PTPRD: variants seen among roughly 807,000 people sequenced by gnomAD.
PTPRD encodes receptor-type tyrosine-protein phosphatase delta.
PTPRD carries 34 observed loss-of-function variants against 214.5 expected under a neutral mutation model. That is an observed-to-expected ratio of 0.16 (90% CI 0.12 to 0.21). The LOEUF (loss-of-function observed/expected upper bound fraction) is 0.21, where lower values mean the gene tolerates loss of function less well. PTPRD is among the 10% of genes least tolerant of loss of function. PTPRD has a pLI of 1.00. For synonymous variants in PTPRD, 1,128 were observed against 845.7 expected (o/e 1.33, Z -5.79); for missense variants, 2,545 against 2,398.7 (o/e 1.06, Z -1.27).
intron 7 of PTPRD, among the ~76,000 whole-genome samples, chr9:9,688,155 C>G (rs912558220): frequency 6.6e-6 from 1 of 151,846 alleles, no homozygotes; most frequent in Admixed American, 6.6e-5. Flanking sequence ...GTCAATTAAA[C>G]CTCTTTTCTT....
intron 7 of PTPRD, among the ~76,000 whole-genome samples, chr9:9,688,937 C>G (rs1595276116): frequency 6.6e-6 from 1 of 151,618 alleles, no homozygotes; most frequent in African/African-American, 2.4e-5. Flanking sequence ...GCTAGGTAAA[C>G]AGTAGATATA....
At chr9:8,326,980 C>G (rs1250114037) in intron 44 of PTPRD, among the ~76,000 whole-genome samples, 1 of 146,982 alleles carries the variant, frequency 6.8e-6, no homozygotes, top group Non-Finnish European at 1.5e-5. Context: ...TTTCCAAAAG[C>G]CAGCTCCTGG....
chr9:8,753,126 G>A (rs1156810228), intron 11 of PTPRD, among the ~76,000 whole-genome samples: 2 of 152,120 alleles, frequency 1.3e-5, no homozygotes, highest in African/African-American at 2.4e-5. Flanking sequence ...AGTAAGGTAC[G>A]TTATTCTGTG....
chr9:8,718,314 G>C (rs1054509231), intron 12 of PTPRD, among the ~76,000 whole-genome samples: 3 of 152,132 alleles, frequency 2.0e-5, no homozygotes, highest in African/African-American at 7.2e-5. Context: ...GCTCTCTAGA[G>C]AAACTAGATC....
chr9:9,732,602 G>C (rs1335363058), intron 7 of PTPRD, among the ~76,000 whole-genome samples: 3 of 152,068 alleles, frequency 2.0e-5, no homozygotes, highest in African/African-American at 7.2e-5. Context: ...AAAGTATAGA[G>C]GACCTCTAGG....
At chr9:9,961,729 A>C (rs990326065) in intron 4 of PTPRD, among the ~76,000 whole-genome samples, 4 of 152,160 alleles carry the variant, frequency 2.6e-5, no homozygotes, top group African/African-American at 9.7e-5. Flanking sequence ...AAGATGATGA[A>C]ATACAGCACT....
intron 33 of PTPRD, among the ~76,000 whole-genome samples, chr9:8,458,149 GGCCCAC>G (rs2096269538): frequency 1.3e-5 from 2 of 152,034 alleles, no homozygotes; most frequent in African/African-American, 2.4e-5. Flanking sequence ...TGCTTACATA[GGCCCAC>G]ACTAAAATGC....
At chr9:9,114,520 C>A (rs182993053) in intron 10 of PTPRD, among the ~76,000 whole-genome samples, 4 of 152,182 alleles carry the variant, frequency 2.6e-5, no homozygotes, top group Non-Finnish European at 5.9e-5. Context: ...TTGGCTAACA[C>A]TTTTTAACCA....
At chr9:9,948,303 G>C (rs10978127) in intron 4 of PTPRD, among the ~76,000 whole-genome samples, 1 of 151,962 alleles carries the variant, frequency 6.6e-6, no homozygotes, top group South Asian at 2.1e-4. Context: ...TTTAAAAAAT[G>C]TGACTATCTT....
chr9:8,990,446 T>C (rs768329964), intron 11 of PTPRD, among the ~76,000 whole-genome samples: 2 of 152,150 alleles, frequency 1.3e-5, no homozygotes, highest in Non-Finnish European at 2.9e-5. Flanking sequence ...TAGTAGGTTG[T>C]TGGGGCTCAG....
chr9:10,264,169 G>A (rs1229335470), intron 3 of PTPRD, among the ~76,000 whole-genome samples: 2 of 152,202 alleles, frequency 1.3e-5, no homozygotes, highest in African/African-American at 2.4e-5. Context: ...CTAGGACAGT[G>A]TGGAAGGGAA....
intron 3 of PTPRD, among the ~76,000 whole-genome samples, chr9:10,180,786 T>C (rs1043072583): frequency 6.6e-6 from 1 of 151,914 alleles, no homozygotes; most frequent in Non-Finnish European, 1.5e-5. Flanking sequence ...ATGTAAATAT[T>C]TACATGTATC....
chr9:8,854,247 G>C (rs2097871511), intron 11 of PTPRD, among the ~76,000 whole-genome samples: 1 of 152,108 alleles, frequency 6.6e-6, no homozygotes, highest in Admixed American at 6.5e-5. Flanking sequence ...ACAAGTTAGA[G>C]CACAAGAGCA....
intron 7 of PTPRD, among the ~76,000 whole-genome samples, chr9:9,683,009 T>C (rs1007203824): frequency 1.3e-5 from 2 of 151,752 alleles, no homozygotes; most frequent in Non-Finnish European, 1.5e-5. Context: ...ATAAGCTAGA[T>C]AGACATATTG....
chr9:10,606,957 T>C (rs1280358673), intron 2 of PTPRD, among the ~76,000 whole-genome samples: 5 of 151,930 alleles, frequency 3.3e-5, no homozygotes, highest in Non-Finnish European at 7.4e-5. Context: ...CAAAAGTTCA[T>C]GAATTCTGTA....
chr9:8,688,130 T>C (rs948964040), intron 12 of PTPRD, among the ~76,000 whole-genome samples: 2 of 152,240 alleles, frequency 1.3e-5, no homozygotes, highest in East Asian at 3.8e-4. Context: ...TAATTTACAA[T>C]GCTGAATAAA....
intron 2 of PTPRD, among the ~76,000 whole-genome samples, chr9:10,585,247 A>G (rs1191499082): frequency 6.6e-6 from 1 of 151,896 alleles, no homozygotes; most frequent in Non-Finnish European, 1.5e-5. Flanking sequence ...ATAATATTGA[A>G]GTAATAACTT....
intron 3 of PTPRD, among the ~76,000 whole-genome samples, chr9:10,238,275 T>A (rs1030693735): frequency 6.6e-6 from 1 of 151,894 alleles, no homozygotes; most frequent in Admixed American, 6.6e-5. Flanking sequence ...TGTTGTAACC[T>A]GAAACCAATC....
chr9:8,699,166 G>A lies in PTPRD; in HGVS notation c.64+34614C>T, dbSNP rs1039346349. 3.3e-5 allele frequency among the ~76,000 whole-genome samples: 5 copies of A among 152,214 alleles called. No homozygotes were observed. In the East Asian group the frequency reaches 7.7e-4, roughly 24 times the overall value. On this transcript the variant is annotated intron_variant, in intron 12 of 45. Coordinates refer to ENST00000381196, the MANE Select transcript of PTPRD (RefSeq NM_002839.4). ...AATTTCTAACAAGTGATGAAATTCC[G>A]ATGAAGTGTATAATGATTCCTCATT... is the stretch of plus-strand genomic sequence containing the variant.
Sources: gnomAD v4.1 joint callset for allele counts (sites outside exome capture counted in the v4.1 genomes callset) on GRCh38, gnomAD v4.1.1 for gene constraint, MANE v1.5 for transcripts, NCBI Gene and HGNC (gene_info 2026-07-23, HGNC 2026-07-21) for gene names.